The following JAZF1 variants were observed in gnomAD, a reference collection of about 807,000 sequenced individuals.
The protein encoded by JAZF1 is juxtaposed with another zinc finger protein 1.
In JAZF1, 8 loss-of-function variants were observed where a neutral mutation model predicts 26.4. That is an observed-to-expected ratio of 0.30 (90% confidence interval 0.18 to 0.55). JAZF1 has a LOEUF of 0.55. Among genes scored for constraint, JAZF1 ranks in the 20% least tolerant of loss-of-function variants. The pLI is 0.94. For missense variants in JAZF1, 199 were observed against 322.0 expected, an observed-to-expected ratio of 0.62 and a Z score of 2.92; for synonymous variants, 126 against 122.3, an observed-to-expected ratio of 1.03 and a Z score of -0.20.
intron 4 of JAZF1, among the ~76,000 whole-genome samples, chr7:27,836,880 A>G (rs889403156): frequency 6.6e-6 from 1 of 152,224 alleles, no homozygotes; most frequent in African/African-American, 2.4e-5. Context: ...CAGAAAACAC[A>G]GAAGAGGATA....
Position 27,832,492 on chromosome 7 carries a change from TCAA to T in JAZF1, c.*305_*307del, listed in dbSNP as rs1782724819. Reference sequence around the variant, plus strand: ...CAGGTTGATACCACCGCAATACAATTCAACAATATGCAACATGCCCTCAATTTT... The same window carrying T: ...CAGGTTGATACCACCGCAATACAATTCAATATGCAACATGCCCTCAATTTT... On this transcript the variant is annotated 3_prime_UTR_variant, in exon 5 of 5. Coordinates refer to ENST00000283928, the MANE Select transcript of JAZF1 (RefSeq NM_175061.4). 4.0e-6 allele frequency: 1 copy of T among 252,384 alleles called. No homozygotes were observed. The highest frequency in any genetic ancestry group is 2.2e-5 in the African/African-American group (1 of 45,836). 15.6% of individuals were successfully genotyped at this position (252,384 alleles called of 1,614,324 possible). A position where few individuals can be genotyped will look rare whatever the true frequency, so the allele number is the denominator to read the frequency against.
Position 27,988,938 on chromosome 7 carries a change from A to C in JAZF1, c.188+2971T>G, listed in dbSNP as rs1370856237. Among the ~76,000 whole-genome samples the C allele has an allele frequency of 6.0e-4, 91 of 150,568 alleles. 1 individual carries two copies. Among genetic ancestry groups the C allele is most frequent in the African/African-American group, 2.2e-3 (91 of 41,362 alleles). The stretch of plus-strand genomic sequence containing the variant: ...ATCTCTGTAAAAAAAAAAAAAAAAA[A>C]AAAAAAGTTCATATGGAACCAAAAA... On this transcript the variant is annotated intron_variant, in intron 2 of 4. Coordinates refer to ENST00000283928, the MANE Select transcript of JAZF1 (RefSeq NM_175061.4).
intron 1 of JAZF1, among the ~76,000 whole-genome samples, chr7:28,037,647 C>T (rs1783316447): frequency 6.6e-6 from 1 of 152,152 alleles, no homozygotes; most frequent in Non-Finnish European, 1.5e-5. Context: ...GTGTCTATTT[C>T]ATCTCCATTT....
chr7:28,070,146 C>T (rs1486118210), intron 1 of JAZF1, among the ~76,000 whole-genome samples: 1 of 152,160 alleles, frequency 6.6e-6, no homozygotes, highest in Non-Finnish European at 1.5e-5. Context: ...GAACCTTTTT[C>T]TTCGTTTATT....
At chr7:28,153,167 A>AG (rs774348615) in intron 1 of JAZF1, among the ~76,000 whole-genome samples, 2 of 152,148 alleles carry the variant, frequency 1.3e-5, no homozygotes, top group Non-Finnish European at 2.9e-5. Flanking sequence ...GTACTCTCCA[A>AG]GGGTACACTA....
At position 27,963,171 on chromosome 7, in the gene JAZF1, T is replaced by C. The variant is rs536183815; in HGVS notation, c.188+28738A>G. 2.6e-3 allele frequency among the ~76,000 whole-genome samples: 398 copies of C among 152,368 alleles called. 2 individuals are homozygous for C. Among genetic ancestry groups the C allele is most frequent in the African/African-American group, 9.4e-3 (392 of 41,590 alleles). ...GAATTTTCTGGGGAATATGTTCTCA[T>C]GTATACTACGTTACAATTTGGCATA... On this transcript the variant is annotated intron_variant, in intron 2 of 4. Transcript: ENST00000283928.
At chr7:28,096,021 T>A (rs570920617) in intron 1 of JAZF1, among the ~76,000 whole-genome samples, 1 of 152,160 alleles carries the variant, frequency 6.6e-6, no homozygotes, top group East Asian at 1.9e-4. Context: ...CCTCAAAGGC[T>A]CCATCTCCAA....
At chr7:28,151,791 C>T (rs1158145530) in intron 1 of JAZF1, among the ~76,000 whole-genome samples, 1 of 143,834 alleles carries the variant, frequency 7.0e-6, no homozygotes, top group African/African-American at 2.5e-5. Context: ...AATTCCATCT[C>T]AAAAAAAAAA....
intron 1 of JAZF1, among the ~76,000 whole-genome samples, chr7:28,035,984 C>CT (rs548525958): frequency 1.3e-5 from 2 of 152,190 alleles, no homozygotes; most frequent in Non-Finnish European, 2.9e-5. Flanking sequence ...AAGACCTTAT[C>CT]TTTTTTTCTA....
At chr7:27,897,306 C>A (rs539417992) in intron 2 of JAZF1, among the ~76,000 whole-genome samples, 3 of 152,156 alleles carry the variant, frequency 2.0e-5, no homozygotes, top group Non-Finnish European at 4.4e-5. Context: ...TTACATCTTG[C>A]ATTTTAGTTA....
At chr7:28,062,261 T>C (rs984750450) in intron 1 of JAZF1, among the ~76,000 whole-genome samples, 2 of 151,710 alleles carry the variant, frequency 1.3e-5, no homozygotes, top group African/African-American at 4.9e-5. Context: ...AAGCCTAAGA[T>C]TGAGTGAGCT....
At chr7:28,085,173 T>C (rs945161637) in intron 1 of JAZF1, among the ~76,000 whole-genome samples, 16 of 152,356 alleles carry the variant, frequency 1.1e-4, no homozygotes, top group African/African-American at 3.4e-4. Flanking sequence ...TTTCCAAGGC[T>C]TGCAAAAACT....
chr7:28,009,070 A>T (rs1246083727), intron 1 of JAZF1, among the ~76,000 whole-genome samples: 1 of 152,168 alleles, frequency 6.6e-6, no homozygotes, highest in Non-Finnish European at 1.5e-5. Flanking sequence ...GGATTTGGTA[A>T]ACCTTACTAT....
intron 2 of JAZF1, among the ~76,000 whole-genome samples, chr7:27,971,643 TTAAC>T (rs1188145846): frequency 6.6e-6 from 1 of 152,178 alleles, no homozygotes; most frequent in Non-Finnish European, 1.5e-5. Flanking sequence ...GCCTTCTTAA[TTAAC>T]TCCGAGGTGC....
chr7:28,137,416 T>C (rs1782902118), intron 1 of JAZF1, among the ~76,000 whole-genome samples: 1 of 152,204 alleles, frequency 6.6e-6, no homozygotes, highest in Non-Finnish European at 1.5e-5. Context: ...CTCCTGCTGC[T>C]AGTCACCCTT....
chr7:27,900,472 TA>T (rs1562523520), intron 2 of JAZF1, among the ~76,000 whole-genome samples: 1 of 152,202 alleles, frequency 6.6e-6, no homozygotes, highest in Non-Finnish European at 1.5e-5. Context: ...CTGTGTTCAG[TA>T]ACATGTGGGT....
intron 1 of JAZF1, among the ~76,000 whole-genome samples, chr7:28,109,021 G>C (rs1784597952): frequency 6.6e-6 from 1 of 152,232 alleles, no homozygotes; most frequent in Non-Finnish European, 1.5e-5. Flanking sequence ...ACAGAGGGTA[G>C]AATTAGAATG....
At chr7:28,085,729 A>G (rs1477090621) in intron 1 of JAZF1, among the ~76,000 whole-genome samples, 2 of 152,258 alleles carry the variant, frequency 1.3e-5, no homozygotes, top group African/African-American at 4.8e-5. Context: ...TCACAGAGCC[A>G]TATTGACAGA....
At chr7:28,006,158 G>A (rs1482386040) in intron 1 of JAZF1, among the ~76,000 whole-genome samples, 1 of 152,098 alleles carries the variant, frequency 6.6e-6, no homozygotes, top group African/African-American at 2.4e-5. Context: ...AGCACTTTGG[G>A]AGGCAGAGGC....
Sources: gnomAD v4.1 joint callset for allele counts (sites outside exome capture counted in the v4.1 genomes callset) on GRCh38, gnomAD v4.1.1 for gene constraint, MANE v1.5 for transcripts, NCBI Gene and HGNC (gene_info 2026-07-23, HGNC 2026-07-21) for gene names.